Variants in LAPTM4B observed in about 807,000 individuals in gnomAD.
The protein encoded by LAPTM4B is lysosomal-associated transmembrane protein 4B.
LAPTM4B carries 26 observed loss-of-function variants against 28.5 expected under a neutral mutation model. The ratio of observed to expected loss-of-function variants is 0.91; its 90% confidence interval spans 0.67 to 1.27. The LOEUF (loss-of-function observed/expected upper bound fraction) is 1.27. Among genes scored for constraint, LAPTM4B ranks in the 50% most tolerant of loss-of-function variants. The pLI is 0.00. For synonymous variants in LAPTM4B, 109 were observed against 106.4 expected (o/e 1.02, Z -0.15); for missense variants, 288 against 285.8 (o/e 1.01, Z -0.06).
At chr8:97,790,861 T>A (rs535897639) in intron 1 of LAPTM4B, among the ~76,000 whole-genome samples, 1 of 152,320 alleles carries the variant, frequency 6.6e-6, no homozygotes, top group Admixed American at 6.5e-5. Flanking sequence ...TGTCTCAACT[T>A]CCCGAGTAGC....
At chr8:97,834,411 C>G (rs1817230908) in intron 6 of LAPTM4B, among the ~76,000 whole-genome samples, 1 of 152,138 alleles carries the variant, frequency 6.6e-6, no homozygotes. Flanking sequence ...TGTTTTCAGT[C>G]TTTCAAAGAA....
intron 5 of LAPTM4B, among the ~76,000 whole-genome samples, chr8:97,823,344 G>T (rs1328449260): frequency 4.6e-5 from 5 of 109,338 alleles, no homozygotes; most frequent in Middle Eastern, 6.1e-3. Context: ...ATACAATATG[G>T]TTTTTTTTTT....
intron 5 of LAPTM4B, among the ~76,000 whole-genome samples, chr8:97,822,084 T>C (rs1817012607): frequency 1.3e-5 from 2 of 152,132 alleles, no homozygotes; most frequent in South Asian, 4.1e-4. Flanking sequence ...GCTCCTCCGC[T>C]CCAGTTTCTT....
intron 6 of LAPTM4B, among the ~76,000 whole-genome samples, chr8:97,825,883 A>G (rs1054879733): frequency 6.6e-6 from 1 of 152,244 alleles, no homozygotes; most frequent in African/African-American, 2.4e-5. Context: ...GGGATGGATG[A>G]CATGTAACTG....
rs755705878 is a variant in LAPTM4B at position 97,815,336 on chromosome 8, A to G, written c.220A>G (p.Ile74Val). ...FEFMDDANMC[I>V]AIAISLLMIL... ...TTTTAATCTTTCGGCAGACATGTGC[A>G]TTGCCATTGCGATTTCTCTTCTCAT... Residue 74 changes from isoleucine (I) to valine (V), a missense_variant, in exon 3 of 7, where the codon ATT becomes GTT. Transcript: ENST00000521545. 2.5e-5 allele frequency: 40 copies of G among 1,613,748 alleles called. No homozygotes were observed. Among genetic ancestry groups the G allele is most frequent in the Middle Eastern group, 1.6e-4 (1 of 6,068 alleles).
chr8:97,791,191 C>A (rs958349627), intron 1 of LAPTM4B, among the ~76,000 whole-genome samples: 1 of 152,222 alleles, frequency 6.6e-6, no homozygotes, highest in African/African-American at 2.4e-5. Context: ...CAGGCATGAG[C>A]CACCATGCCT....
At position 97,819,192 on chromosome 8, in the gene LAPTM4B, T is replaced by A. The variant is rs1208814067; in HGVS notation, c.461T>A (p.Leu154Ter). 6.2e-7 allele frequency: 1 copy of A among 1,610,150 alleles called. No homozygotes were observed. Among genetic ancestry groups the A allele is most frequent in the Non-Finnish European group, 8.5e-7 (1 of 1,177,572 alleles). Residue 154 changes from leucine to a stop codon, truncating the protein, a stop_gained, in exon 5 of 7, where the codon TTG (leucine) becomes TAG (stop). Transcript: ENST00000521545. LOFTEE classifies it high-confidence loss of function. ...DDVMSVNPTC[L>*]VLIILLFISI... ...GTCATGTCAGTGAATCCTACCTGTT[T>A]GGTCCTTATTATTCTTCTGTTTATT...
intron 6 of LAPTM4B, among the ~76,000 whole-genome samples, chr8:97,847,313 G>T (rs1466842437): frequency 6.6e-6 from 1 of 152,182 alleles, no homozygotes; most frequent in Non-Finnish European, 1.5e-5. Flanking sequence ...GCAGTCTGTG[G>T]TTGCGGTTTT....
intron 2 of LAPTM4B, among the ~76,000 whole-genome samples, chr8:97,808,225 AT>A (rs1249968006): frequency 2.6e-5 from 4 of 151,764 alleles, no homozygotes; most frequent in Non-Finnish European, 5.9e-5. Context: ...AGGCAGGCAG[AT>A]CACCTGAGGT....
intron 1 of LAPTM4B, among the ~76,000 whole-genome samples, chr8:97,791,392 C>G (rs545419034): frequency 2.0e-5 from 3 of 152,320 alleles, no homozygotes; most frequent in Admixed American, 2.0e-4. Context: ...CTTCTGGGGG[C>G]CATCCTTTGC....
chr8:97,837,326 G>A (rs1817277985), intron 6 of LAPTM4B, among the ~76,000 whole-genome samples: 1 of 151,704 alleles, frequency 6.6e-6, no homozygotes, highest in Admixed American at 6.6e-5. Flanking sequence ...CTGAGTAGCT[G>A]GGACTACAGG....
intron 5 of LAPTM4B, among the ~76,000 whole-genome samples, chr8:97,823,344 GTT>G (rs10561869): frequency 0.63 from 72,845 of 115,002 alleles, 22,886 homozygotes; most frequent in East Asian, 0.76. Flanking sequence ...ATACAATATG[GTT>G]TTTTTTTTTG....
chr8:97,802,672 C>T (rs1333753826), intron 1 of LAPTM4B, among the ~76,000 whole-genome samples: 1 of 152,140 alleles, frequency 6.6e-6, no homozygotes, highest in Non-Finnish European at 1.5e-5. Flanking sequence ...CACATTTTAC[C>T]AAGCCCCTGT....
chr8:97,808,832 G>A (rs116921839), intron 2 of LAPTM4B, among the ~76,000 whole-genome samples: 6,577 of 151,960 alleles, frequency 0.043, 191 homozygotes, highest in Admixed American at 0.081. Flanking sequence ...GTGGTGGCGT[G>A]TGTCTGTGGT....
intron 6 of LAPTM4B, among the ~76,000 whole-genome samples, chr8:97,839,518 C>G (rs6983596): frequency 2.0e-5 from 3 of 152,104 alleles, no homozygotes; most frequent in Admixed American, 2.0e-4. Flanking sequence ...TTAAATGTCC[C>G]GGTCTGCTGG....
chr8:97,780,050 CAAA>C lies in LAPTM4B; in HGVS notation c.99+3958_99+3960del, dbSNP rs57555167. ...TGGGCAACAGAGTGAGACTCTGTCT[CAAA>C]AAAAAAAAAAAAAAAGAAAAGTAAA... On this transcript the variant is annotated intron_variant, in intron 1 of 6. Coordinates refer to ENST00000521545, the MANE Select transcript of LAPTM4B (RefSeq NM_018407.6). Among the ~76,000 whole-genome samples, 42 of 91,886 alleles carry C rather than the reference CAAA, an allele frequency of 4.6e-4. 1 individual carries two copies. Among genetic ancestry groups the C allele is most frequent in the African/African-American group, 1.4e-3 (34 of 24,366 alleles). The allele number at this position is 91,886 out of a possible 152,430, so 60.3% of individuals were successfully genotyped here.
chr8:97,845,864 T>TTCCCC (rs1563624195), intron 6 of LAPTM4B, among the ~76,000 whole-genome samples: 270 of 5,714 alleles, frequency 0.047, 5 homozygotes, highest in Middle Eastern at 0.071. Flanking sequence ...TTCCCCCCCC[T>TTCCCC]TCCACTCCCC....
intron 6 of LAPTM4B, among the ~76,000 whole-genome samples, chr8:97,851,109 C>T (rs769424366): frequency 2.0e-5 from 3 of 152,054 alleles, no homozygotes; most frequent in Non-Finnish European, 2.9e-5. Context: ...ACCTAGGGGT[C>T]TTTTTTCCTC....
chr8:97,791,034 A>G (rs2129740740), intron 1 of LAPTM4B, among the ~76,000 whole-genome samples: 1 of 152,262 alleles, frequency 6.6e-6, no homozygotes, highest in African/African-American at 2.4e-5. Context: ...CCTCCCGAGT[A>G]GCTGGGACCA....
Sources: gnomAD v4.1 joint callset for allele counts (sites outside exome capture counted in the v4.1 genomes callset) on GRCh38, gnomAD v4.1.1 for gene constraint, MANE v1.5 for transcripts, NCBI Gene and HGNC (gene_info 2026-07-23, HGNC 2026-07-21) for gene names.